DIPK2B: variants seen among roughly 807,000 people sequenced by gnomAD.
DIPK2B encodes UPF0672 protein CXorf36.
A neutral mutation model predicts 22.2 loss-of-function variants in DIPK2B; 15 were observed. That is an observed-to-expected ratio of 0.68 (90% CI 0.45 to 1.04). The LOEUF is 1.04. DIPK2B is among the 50% of genes least tolerant of loss of function. The pLI is 0.00. For missense variants in DIPK2B, 345 were observed against 348.3 expected (o/e 0.99, Z 0.08); for synonymous variants, 163 against 153.2 (o/e 1.06, Z -0.47).
chrX:45,151,665 T>C lies in DIPK2B; in HGVS notation c.1289A>G (p.Asn430Ser), dbSNP rs1369183718. ...FAYRYPDCKY[N>S]DKF Reference sequence around the variant, plus strand: ...GACACCAGCCCTTCAGAACTTATCGTTATATTTGCAATCTGGGTAACGATA... The same window carrying C: ...GACACCAGCCCTTCAGAACTTATCGCTATATTTGCAATCTGGGTAACGATA... The change falls in exon 5 of 5, where the codon AAC (asparagine) becomes AGC (serine). Residue 430 changes from asparagine (N) to serine (S), a missense_variant. By Grantham distance (46) the Asn-to-Ser change is conservative (BLOSUM62 1). Transcript: ENST00000398000. The C allele has an allele frequency of 8.3e-7, 1 of 1,211,371 alleles. No individual in the cohort carries two copies. Among genetic ancestry groups the C allele is most frequent in the Non-Finnish European group, 1.1e-6 (1 of 895,087 alleles).
chrX:45,178,220 C>A (rs931411139), intron 2 of DIPK2B, among the ~76,000 whole-genome samples: 1 of 112,345 alleles, frequency 8.9e-6, no homozygotes, highest in African/African-American at 3.2e-5. Flanking sequence ...CTCACACATT[C>A]TTCAGCCTTG....
chrX:45,177,508 G>C (rs1415200792), intron 2 of DIPK2B, among the ~76,000 whole-genome samples: 3 of 108,790 alleles, frequency 2.8e-5, no homozygotes, highest in Non-Finnish European at 5.7e-5. Context: ...CCTCTCTCTT[G>C]CTCCCTCTCT....
At chrX:45,160,790 A>T (rs137883977) in intron 2 of DIPK2B, among the ~76,000 whole-genome samples, 1 of 112,155 alleles carries the variant, frequency 8.9e-6, no homozygotes, top group Non-Finnish European at 1.9e-5. Flanking sequence ...GATAGGGGAC[A>T]ACTGAAGGCT....
At chrX:45,164,110 A>C in intron 2 of DIPK2B, 1 of 1,084,519 alleles carries the variant, frequency 9.2e-7, no homozygotes, top group Non-Finnish European at 1.2e-6. Context: ...ACTATTTGAA[A>C]ATGTGGTTGG....
At chrX:45,180,104 C>A (rs988909676) in intron 2 of DIPK2B, among the ~76,000 whole-genome samples, 2 of 111,525 alleles carry the variant, frequency 1.8e-5, no homozygotes, top group Non-Finnish European at 3.8e-5. Flanking sequence ...TGGAACATCA[C>A]CTCATCAGCA....
rs2047009210 is a variant in DIPK2B at position 45,158,899 on chromosome X, G to A, written c.499-1011C>T. On this transcript the variant is annotated intron_variant, in intron 2 of 4. Coordinates refer to ENST00000398000, the MANE Select transcript of DIPK2B (RefSeq NM_176819.4). ...ATTATGAACCTCATTGTGCAGCCAAGGAATTGGAATGCAGAGTGTAGGTAA... is the reference window on the plus strand; with the variant it reads ...ATTATGAACCTCATTGTGCAGCCAAAGAATTGGAATGCAGAGTGTAGGTAA... Among the ~76,000 whole-genome samples the A allele has an allele frequency of 3.6e-5, 4 of 112,183 alleles. No individual in the cohort carries two copies. The Admixed American group carries it at 3.8e-4, about 11-fold the overall frequency.
chrX:45,170,236 T>G (rs1603103807), intron 2 of DIPK2B, among the ~76,000 whole-genome samples: 1 of 67,909 alleles, frequency 1.5e-5, no homozygotes, highest in Admixed American at 2.2e-4. Flanking sequence ...AGAGCAAGAC[T>G]CCGTCTCAAA....
At position 45,192,015 on chromosome X, in the gene DIPK2B, T is replaced by G; in HGVS notation, c.234A>C (p.Arg78Ser). ...ICKKFFKEEI[R>S]SDNWLASHLG... The stretch of plus-strand genomic sequence containing the variant: ...GGTGGGAAGCCAGCCAGTTGTCAGA[T>G]CTGTTGGAAGAATAGCCCTTTGAGG... Residue 78 changes from arginine to serine, a missense_variant and splice_region_variant, in exon 2 of 5, where the codon AGA becomes AGC. Coordinates refer to ENST00000398000, the MANE Select transcript of DIPK2B (RefSeq NM_176819.4). The G allele has an allele frequency of 8.3e-7, 1 of 1,205,519 alleles. No homozygotes were observed. Among genetic ancestry groups the G allele is most frequent in the Non-Finnish European group, 1.1e-6 (1 of 892,290 alleles).
chrX:45,184,703 T>A (rs2047172242), intron 2 of DIPK2B, among the ~76,000 whole-genome samples: 1 of 111,962 alleles, frequency 8.9e-6, no homozygotes, highest in South Asian at 3.7e-4. Context: ...GTTTTTAATA[T>A]CTTTTTGTAT....
chrX:45,194,098 ATTG>A (rs2047226273), intron 1 of DIPK2B, among the ~76,000 whole-genome samples: 1 of 112,066 alleles, frequency 8.9e-6, no homozygotes, highest in African/African-American at 3.3e-5. Context: ...GGCTGATACT[ATTG>A]TTAACATACA....
intron 2 of DIPK2B, among the ~76,000 whole-genome samples, chrX:45,161,756 A>G (rs1177740018): frequency 8.9e-6 from 1 of 112,083 alleles, no homozygotes; most frequent in Admixed American, 9.5e-5. Flanking sequence ...GATAAGCTGA[A>G]TGGTTGGGGG....
At chrX:45,184,239 T>TA (rs1269559640) in intron 2 of DIPK2B, among the ~76,000 whole-genome samples, 1 of 111,621 alleles carries the variant, frequency 9.0e-6, no homozygotes, top group Non-Finnish European at 1.9e-5. Flanking sequence ...GGCGTAGAAA[T>TA]ACTTTACATA....
chrX:45,164,596 T>A (rs767232599), intron 2 of DIPK2B, among the ~76,000 whole-genome samples: 1 of 111,148 alleles, frequency 9.0e-6, no homozygotes, highest in East Asian at 2.8e-4. Flanking sequence ...ATCACACACA[T>A]GGGCCAGGGG....
chrX:45,152,470 T>C (rs890667145), intron 4 of DIPK2B, among the ~76,000 whole-genome samples: 6 of 111,460 alleles, frequency 5.4e-5, no homozygotes, highest in African/African-American at 2.0e-4. Flanking sequence ...GTGGAAAGAA[T>C]CCACTCTGCT....
At chrX:45,160,534 T>C (rs189768100) in intron 2 of DIPK2B, among the ~76,000 whole-genome samples, 4 of 111,790 alleles carry the variant, frequency 3.6e-5, no homozygotes, top group African/African-American at 1.3e-4. Context: ...AATAGACTAA[T>C]ACAGACCCTA....
intron 2 of DIPK2B, chrX:45,191,529 A>G: frequency 4.7e-6 from 2 of 429,419 alleles, no homozygotes; most frequent in Non-Finnish European, 3.9e-6. Flanking sequence ...TGAGGATCAC[A>G]TCAGAGAGAA....
In DIPK2B at chrX:45,151,538, G is replaced by A; in HGVS notation, c.*114C>T. On this transcript the variant is annotated 3_prime_UTR_variant, in exon 5 of 5. Transcript: ENST00000398000. ...CCCTCTCAGTCCCTAAGAAATGAGTGTGCCTTTCTTCTCATCTTTAAAAAA... is the reference window on the plus strand; with the variant it reads ...CCCTCTCAGTCCCTAAGAAATGAGTATGCCTTTCTTCTCATCTTTAAAAAA... 1.4e-6 allele frequency: 1 copy of A among 722,943 alleles called. No homozygotes were observed. Among genetic ancestry groups the A allele is most frequent in the Admixed American group, 3.4e-5 (1 of 29,644 alleles). The allele number at this position is 722,943 out of a possible 1,213,427, so 59.6% of individuals were successfully genotyped here. A position where few individuals can be genotyped will look rare whatever the true frequency, so the allele number is the denominator to read the frequency against.
rs779552047 is a variant in DIPK2B at position 45,154,159 on chromosome X, G to A, written c.712C>T (p.Leu238=). The A allele has an allele frequency of 1.2e-5, 14 of 1,209,476 alleles. No homozygotes were observed. The South Asian group carries it at 1.2e-4, about 11-fold the overall frequency. The change falls in exon 4 of 5, where the codon CTG becomes TTG. Residue 238 remains leucine, a synonymous_variant. Coordinates refer to ENST00000398000, the MANE Select transcript of DIPK2B (RefSeq NM_176819.4). ...ACGAGGAATCTGCCACAGGAGCCCA[G>A]GTACTTGGGCAGCGGCCATCCCTCA... ...GAEGWPLPKY[L]GSCGRFLVST...
chrX:45,160,545 A>G (rs1311018638), intron 2 of DIPK2B, among the ~76,000 whole-genome samples: 1 of 111,783 alleles, frequency 8.9e-6, no homozygotes, highest in Non-Finnish European at 1.9e-5. Flanking sequence ...ACAGACCCTA[A>G]AAGATTTCTT....
Sources: allele counts gnomAD v4.1 joint callset (sites outside exome capture counted in the v4.1 genomes callset), GRCh38; gene constraint gnomAD v4.1.1; transcripts MANE v1.5; gene names NCBI Gene and HGNC (gene_info 2026-07-23, HGNC 2026-07-21).